The following CDKN2A variants were observed in gnomAD, a reference collection of about 807,000 sequenced individuals.
CDKN2A encodes the protein cyclin-dependent kinase inhibitor 2A.
In CDKN2A, 3 loss-of-function variants were observed where a neutral mutation model predicts 11.1. The observed-to-expected ratio is 0.27, with a 90% CI of 0.12 to 0.70. The LOEUF is 0.70. Among genes scored for constraint, CDKN2A ranks in the 30% least tolerant of loss-of-function variants. The pLI, the probability that CDKN2A is intolerant of heterozygous loss-of-function variation, is 0.77. For synonymous variants in CDKN2A, 122 were observed against 108.1 expected, an observed-to-expected ratio of 1.13 and a Z score of -0.80; for missense variants, 265 against 233.6, an observed-to-expected ratio of 1.13 and a Z score of -0.88.
chr9:21,987,426 CACACACAGAG>C (rs1212480476), intron 2 of CDKN2A, among the ~76,000 whole-genome samples: 2 of 121,522 alleles, frequency 1.6e-5, no homozygotes, highest in African/African-American at 6.2e-5. Flanking sequence ...CACACACACA[CACACACAGAG>C]AGAGAGAGAG....
At chr9:21,970,763 A>G in intron 2 of CDKN2A, 139 bp downstream of exon 2, 1 of 1,066,424 alleles carries the variant, frequency 9.4e-7, no homozygotes, top group Non-Finnish European at 1.4e-6. Context: ...AGGGAGACTC[A>G]GGCCGTCCCA....
upstream of CDKN2A, among the ~76,000 whole-genome samples, chr9:21,976,810 AG>A (rs1820047865): frequency 6.6e-6 from 1 of 152,238 alleles, no homozygotes; most frequent in African/African-American, 2.4e-5. Context: ...TCACTTACAA[AG>A]AAAAGTTAAA....
In CDKN2A at chr9:21,974,343, T is replaced by C; in HGVS notation, c.150+335A>G. The stretch of plus-strand genomic sequence containing the variant: ...AAGTAGTCCCAGCACATCTTACATT[T>C]CTTTAAGACTCCCTTTTTATCCCAA... On this transcript the variant is annotated intron_variant, in intron 1 of 2. Transcript: ENST00000304494. This position sits in a 1 kb window ranked among gnomAD's most constrained non-coding sequence, Gnocchi z 5.2. 1 of 1,407,986 alleles carries C rather than the reference T, an allele frequency of 7.1e-7. No homozygotes were observed. Among genetic ancestry groups the C allele is most frequent in the African/African-American group, 1.4e-5 (1 of 70,376 alleles). The allele number at this position is 1,407,986 out of a possible 1,614,324, so 87.2% of individuals were successfully genotyped here. A position where few individuals can be genotyped will look rare whatever the true frequency, so the allele number is the denominator to read the frequency against.
chr9:21,986,016 A>T (rs1041757655), intron 2 of CDKN2A, among the ~76,000 whole-genome samples: 1 of 152,014 alleles, frequency 6.6e-6, no homozygotes, highest in Non-Finnish European at 1.5e-5. Flanking sequence ...ACTGTGTAAA[A>T]GTTTACAGTG....
chr9:21,968,669 G>A lies in CDKN2A; in HGVS notation c.458-427C>T, dbSNP rs1272493881. ...GTGCGGAGTGAGCCAGCCAGCTTGCGATAACCAAAGGGCGCCTCAGGCTCT... is the reference window on the plus strand; with the variant it reads ...GTGCGGAGTGAGCCAGCCAGCTTGCAATAACCAAAGGGCGCCTCAGGCTCT... On this transcript the variant is annotated intron_variant, in intron 2 of 2. Coordinates refer to ENST00000304494, the MANE Select transcript of CDKN2A (RefSeq NM_000077.5). This position sits in a 1 kb window ranked among gnomAD's most constrained non-coding sequence, Gnocchi z 4.7. 7.2e-6 allele frequency: 11 copies of A among 1,535,440 alleles called. No homozygotes were observed. In the East Asian group the frequency reaches 2.7e-4, roughly 38 times the overall value.
upstream of CDKN2A, among the ~76,000 whole-genome samples, chr9:21,976,811 GA>G (rs1222708259): frequency 6.6e-6 from 1 of 152,172 alleles, no homozygotes; most frequent in Non-Finnish European, 1.5e-5. Context: ...CACTTACAAA[GA>G]AAAGTTAAAC....
rs1196823271 is a variant in CDKN2A at position 21,968,470 on chromosome 9, C to G, written c.458-228G>C. 1.4e-5 allele frequency: 21 copies of G among 1,468,720 alleles called. No individual in the cohort carries two copies. Among genetic ancestry groups the G allele is most frequent in the Non-Finnish European group, 1.8e-5 (20 of 1,116,360 alleles). 91.0% of individuals were successfully genotyped at this position (1,468,720 alleles called of 1,614,324 possible). ...GCTCCAGGCGCGCCGACCGCTCAAG[C>G]GCTCCAGGTCCACCCGGCGGAGGGC... On this transcript the variant is annotated intron_variant, in intron 2 of 2. Transcript: ENST00000304494. This position sits in a 1 kb window ranked among gnomAD's most constrained non-coding sequence, Gnocchi z 4.7.
upstream of CDKN2A, among the ~76,000 whole-genome samples, chr9:21,975,474 C>T (rs143681538): frequency 2.6e-5 from 4 of 152,056 alleles, no homozygotes; most frequent in East Asian, 3.9e-4. Context: ...CCCCTACCCC[C>T]TCAACCCTTG....
chr9:21,994,260 C>T lies in CDKN2A; in HGVS notation c.-175-207G>A, dbSNP rs2131148725. ...CCCCCGTGAGCCGCGGGATGTGAAC[C>T]ACGAAAACCCTCACTCGCGGCGGGC... On this transcript the variant is annotated intron_variant, in intron 1 of 3. Transcript: ENST00000494262. 2 of 1,605,680 alleles carry T rather than the reference C, an allele frequency of 1.2e-6. No homozygotes were observed. The highest frequency in any genetic ancestry group is 1.7e-6 in the Non-Finnish European group (2 of 1,177,582).
Position 21,968,602 on chromosome 9 carries a change from T to G in CDKN2A, c.458-360A>C. On this transcript the variant is annotated intron_variant, in intron 2 of 2. Coordinates refer to ENST00000304494, the MANE Select transcript of CDKN2A (RefSeq NM_000077.5). The surrounding 1 kb of genome is among the most constrained non-coding windows in gnomAD (Gnocchi z 4.7). ...TGCCAGGCGCGAAGGCGTGAAGATGTGGCCTTTCCCTTCCCGCATCCCCAG... is the reference window on the plus strand; with the variant it reads ...TGCCAGGCGCGAAGGCGTGAAGATGGGGCCTTTCCCTTCCCGCATCCCCAG... 6.7e-7 allele frequency: 1 copy of G among 1,495,078 alleles called. No homozygotes were observed. The allele number at this position is 1,495,078 out of a possible 1,614,324, so 92.6% of individuals were successfully genotyped here. A position where few individuals can be genotyped will look rare whatever the true frequency, so the allele number is the denominator to read the frequency against.
chr9:21,974,728 C>T lies in CDKN2A; in HGVS notation c.100G>A (p.Ala34Thr), dbSNP rs1554656349. The T allele has an allele frequency of 6.2e-6, 10 of 1,613,038 alleles. No homozygotes were observed. The highest frequency in any genetic ancestry group is 8.5e-6 in the Non-Finnish European group (10 of 1,179,848). The change falls in exon 1 of 3, where the codon GCG becomes ACG. Residue 34 changes from alanine (A) to threonine (T), a missense_variant. Ala to Thr is a moderately conservative substitution (Grantham distance 58). Transcript: ENST00000304494. This position sits in a 1 kb window ranked among gnomAD's most constrained non-coding sequence, Gnocchi z 5.2. ...TTCGGTGCGTTGGGCAGCGCCCCCGCCTCCAGCAGCGCCCGCACCTCCTCT... is the reference window on the plus strand; with the variant it reads ...TTCGGTGCGTTGGGCAGCGCCCCCGTCTCCAGCAGCGCCCGCACCTCCTCT... ...RVEEVRALLE[A>T]GALPNAPNSY...
chr9:21,980,856 G>A lies in CDKN2A; in HGVS notation c.-3-9648C>T, dbSNP rs529276819. 2.0e-5 allele frequency among the ~76,000 whole-genome samples: 3 copies of A among 149,084 alleles called. No individual in the cohort carries two copies. In the Admixed American group the frequency reaches 2.0e-4, roughly 10 times the overall value. ...CACCTGTAGTCCCAGCTACTCCGGA[G>A]GCTGAGGAAGGAGAATGGCGTGAAC... On this transcript the variant is annotated intron_variant, in intron 2 of 3. Coordinates refer to the CDKN2A transcript ENST00000494262.
At position 21,988,923 on chromosome 9, in the gene CDKN2A, A is replaced by G. The variant is rs1820361771; in HGVS notation, c.-4+4959T>C. On this transcript the variant is annotated intron_variant, in intron 2 of 3. Coordinates refer to the CDKN2A transcript ENST00000494262. This position sits in a 1 kb window ranked among gnomAD's most constrained non-coding sequence, Gnocchi z 4.1. ...TTTAGATGGAAACGTTCTTTGGTCCACCAAGCCCTATCGTTCTGCTCTTTG... is the reference window on the plus strand; with the variant it reads ...TTTAGATGGAAACGTTCTTTGGTCCGCCAAGCCCTATCGTTCTGCTCTTTG... Among the ~76,000 whole-genome samples the G allele has an allele frequency of 6.6e-6, 1 of 152,208 alleles. No homozygotes were observed. Among genetic ancestry groups the G allele is most frequent in the African/African-American group, 2.4e-5 (1 of 41,458 alleles).
At chr9:21,970,663 T>C (rs1038556971) in intron 2 of CDKN2A, 1 of 621,362 alleles carries the variant, frequency 1.6e-6, no homozygotes, top group Non-Finnish European at 2.9e-6. Context: ...TGGTATGCTT[T>C]GGGAAGTATA....
At position 21,988,674 on chromosome 9, in the gene CDKN2A, G is replaced by C. The variant is rs529207270; in HGVS notation, c.-4+5208C>G. On this transcript the variant is annotated intron_variant, in intron 2 of 3. Transcript: ENST00000494262. This position sits in a 1 kb window ranked among gnomAD's most constrained non-coding sequence, Gnocchi z 4.1. ...TACTGTGCTCACTACTTGAGTGACA[G>C]ATTCAGTCGTACTCGAAACCTCAGC... is the stretch of plus-strand genomic sequence containing the variant. Among the ~76,000 whole-genome samples the C allele has an allele frequency of 9.2e-5, 14 of 152,140 alleles. No homozygotes were observed. Among genetic ancestry groups the C allele is most frequent in the Admixed American group, 3.3e-4 (5 of 15,258 alleles).
upstream of CDKN2A, chr9:21,975,178 C>A: frequency 1.8e-6 from 2 of 1,141,992 alleles, no homozygotes; most frequent in Non-Finnish European, 2.1e-6. Flanking sequence ...CTCCTCCCCA[C>A]CTGCCCCCCA....
Position 21,980,987 on chromosome 9 carries a change from CACGTATATATATAT to C in CDKN2A, c.-3-9793_-3-9780del, listed in dbSNP as rs1382710644. On this transcript the variant is annotated intron_variant, in intron 2 of 3. Transcript: ENST00000494262. ...AAAAAAAAATGTATATATATATATA[CACGTATATATATAT>C]ACGTGTATATATATATATACGTGTA... Among the ~76,000 whole-genome samples, 120 of 20,144 alleles carry C rather than the reference CACGTATATATATAT, an allele frequency of 6.0e-3. 23 individuals are homozygous for C. The highest frequency in any genetic ancestry group is 0.023 in the African/African-American group (112 of 4,844). The allele number at this position is 20,144 out of a possible 152,430, so 13.2% of individuals were successfully genotyped here.
upstream of CDKN2A, among the ~76,000 whole-genome samples, chr9:21,975,766 C>G (rs1028584252): frequency 6.6e-5 from 10 of 152,168 alleles, no homozygotes; most frequent in African/African-American, 2.4e-4. Flanking sequence ...AGTCATAATT[C>G]CTAGACCAGA....
At chr9:21,982,712 G>C (rs1280755252) in intron 2 of CDKN2A, among the ~76,000 whole-genome samples, 1 of 151,898 alleles carries the variant, frequency 6.6e-6, no homozygotes, top group South Asian at 2.1e-4. Context: ...AAGAAATAGA[G>C]ATAATAAAAA....
Sources: allele counts gnomAD v4.1 joint callset (sites outside exome capture counted in the v4.1 genomes callset), GRCh38; gene constraint gnomAD v4.1.1; non-coding constraint Gnocchi (gnomAD v3.1); transcripts MANE v1.5; gene names NCBI Gene and HGNC (gene_info 2026-07-23, HGNC 2026-07-21).